The following MAF variants were observed in gnomAD, a reference collection of about 807,000 sequenced individuals.
MAF encodes the protein transcription factor Maf.
A neutral mutation model predicts 22.0 loss-of-function variants in MAF; 10 were observed. That is an observed-to-expected ratio of 0.45 (90% CI 0.28 to 0.77). MAF has a LOEUF of 0.77. Ranked by LOEUF, MAF falls within the 30% of genes least tolerant of loss-of-function variation. The pLI, the probability that MAF is intolerant of heterozygous loss-of-function variation, is 0.12. For missense variants in MAF, 544 were observed against 548.4 expected (o/e 0.99, Z 0.08); for synonymous variants, 337 against 255.8 (o/e 1.32, Z -3.03).
downstream of MAF, among the ~76,000 whole-genome samples, chr16:79,585,676 T>C (rs1867547991): frequency 6.6e-6 from 1 of 152,144 alleles, no homozygotes; most frequent in African/African-American, 2.4e-5. Context: ...ATCGCATGTA[T>C]CCCTCCTCTT....
the MAF span, among the ~76,000 whole-genome samples, chr16:79,369,875 T>G: frequency 0.043 from 6,616 of 152,290 alleles, 287 homozygotes; most frequent in East Asian, 0.2. Flanking sequence ...AAGAAATAAC[T>G]GGAAAGGGGA....
chr16:79,233,678 T>TCTA, the MAF span, among the ~76,000 whole-genome samples: 1 of 151,668 alleles, frequency 6.6e-6, no homozygotes, highest in Non-Finnish European at 1.5e-5. Flanking sequence ...ATTTGAAAAA[T>TCTA]GGTAGACAAG....
chr16:79,598,460 A>AAG, intron 1 of MAF: 1 of 1,287,050 alleles, frequency 7.8e-7, no homozygotes, highest in Non-Finnish European at 9.9e-7. Context: ...GGGTGTAAAA[A>AAG]AAAAAAAAAA....
At chr16:79,433,873 TC>T in the MAF span, among the ~76,000 whole-genome samples, 1 of 152,182 alleles carries the variant, frequency 6.6e-6, no homozygotes, top group African/African-American at 2.4e-5. Context: ...GCATGACTGG[TC>T]CCCTCGCACT....
the MAF span, among the ~76,000 whole-genome samples, chr16:79,557,437 T>A: frequency 1.3e-5 from 2 of 151,780 alleles, no homozygotes; most frequent in Non-Finnish European, 2.9e-5. Flanking sequence ...AAGAAATAGA[T>A]CCCCCAATAG....
At chr16:79,552,089 C>A in the MAF span, among the ~76,000 whole-genome samples, 7 of 152,114 alleles carry the variant, frequency 4.6e-5, no homozygotes, top group East Asian at 7.7e-4. Flanking sequence ...CGCCCCAAGA[C>A]CCCCCTGCCC....
chr16:79,416,356 G>A, the MAF span, among the ~76,000 whole-genome samples: 1 of 152,062 alleles, frequency 6.6e-6, no homozygotes, highest in Non-Finnish European at 1.5e-5. Flanking sequence ...TCAACATGTT[G>A]GGAACACAGT....
At chr16:79,583,773 A>ACATCAT (rs371613593), downstream of MAF, among the ~76,000 whole-genome samples, 1,166 of 152,290 alleles carry the variant, frequency 7.7e-3, 15 homozygotes, top group African/African-American at 0.027. Context: ...CGAGGTTAAA[A>ACATCAT]CATCATCATC....
the MAF span, among the ~76,000 whole-genome samples, chr16:79,524,133 A>G: frequency 7.6e-4 from 116 of 152,314 alleles, 1 homozygote; most frequent in Middle Eastern, 0.014. Flanking sequence ...GCCCATCAGC[A>G]TCCCTGGTTG....
chr16:79,473,036 G>C, the MAF span, among the ~76,000 whole-genome samples: 20 of 152,102 alleles, frequency 1.3e-4, no homozygotes, highest in African/African-American at 4.6e-4. Flanking sequence ...TAAATGTACA[G>C]ACTACAGGTT....
At chr16:79,530,450 A>AG in the MAF span, among the ~76,000 whole-genome samples, 1 of 152,150 alleles carries the variant, frequency 6.6e-6, no homozygotes, top group Non-Finnish European at 1.5e-5. Context: ...TTTTTTTCTC[A>AG]GGGGAAAAAA....
At chr16:79,598,481 A>C in intron 1 of MAF, 1 of 1,289,080 alleles carries the variant, frequency 7.8e-7, no homozygotes, top group South Asian at 1.7e-5. Flanking sequence ...ACAAGCTAGC[A>C]AGTTATGGAG....
the MAF span, among the ~76,000 whole-genome samples, chr16:79,497,475 C>A: frequency 6.6e-6 from 1 of 152,178 alleles, no homozygotes; most frequent in Non-Finnish European, 1.5e-5. Flanking sequence ...CTGTGCACTG[C>A]CCAAGGTCAC....
chr16:79,460,107 A>C, the MAF span, among the ~76,000 whole-genome samples: 1 of 152,140 alleles, frequency 6.6e-6, no homozygotes, highest in South Asian at 2.1e-4. Context: ...GTATTCTGTG[A>C]ATACTAACAC....
At chr16:79,229,230 T>G in the MAF span, 2 of 151,558 alleles carry the variant, frequency 1.3e-5, no homozygotes, top group Non-Finnish European at 2.9e-5. Flanking sequence ...AACCCTCATC[T>G]CCAGGCCAGA....
In MAF at chr16:79,599,221, C is replaced by A; in HGVS notation, c.682G>T (p.Gly228Cys). The stretch of plus-strand genomic sequence containing the variant: ...CCGCCTCCGCCGCCGCCGCCGCCGC[C>A]GCCGCCCCCAGCGCTGGCCGGGCCA... ...GGGPASAGGG[G>C]GGGGGGGGGG... The change falls in exon 1 of 2, where the codon GGC becomes TGC. Residue 228 changes from glycine to cysteine, a missense_variant. Gly to Cys is a radical substitution (Grantham distance 159). Transcript: ENST00000326043. 1.0e-6 allele frequency: 1 copy of A among 978,740 alleles called. No individual in the cohort carries two copies. The highest frequency in any genetic ancestry group is 4.6e-5 in the South Asian group (1 of 21,710). 60.6% of individuals were successfully genotyped at this position (978,740 alleles called of 1,614,324 possible). A position where few individuals can be genotyped will look rare whatever the true frequency, so the allele number is the denominator to read the frequency against.
chr16:79,439,414 A>T, the MAF span, among the ~76,000 whole-genome samples: 1 of 151,754 alleles, frequency 6.6e-6, no homozygotes, highest in Non-Finnish European at 1.5e-5. Flanking sequence ...GGCGCCCGTC[A>T]CCATGCCCGG....
At chr16:79,524,362 G>C in the MAF span, among the ~76,000 whole-genome samples, 1 of 152,190 alleles carries the variant, frequency 6.6e-6, no homozygotes, top group Non-Finnish European at 1.5e-5. Flanking sequence ...TGGACTTTGA[G>C]GCTGGGTTTT....
chr16:79,397,136 G>T, the MAF span, among the ~76,000 whole-genome samples: 1 of 152,206 alleles, frequency 6.6e-6, no homozygotes. Context: ...GAATGTCTGG[G>T]CACACAGCAT....
Sources: gnomAD v4.1 joint callset for allele counts (sites outside exome capture counted in the v4.1 genomes callset) on GRCh38, gnomAD v4.1.1 for gene constraint, MANE v1.5 for transcripts, NCBI Gene and HGNC (gene_info 2026-07-23, HGNC 2026-07-21) for gene names.